GLI2: variants seen among roughly 807,000 people sequenced by gnomAD.
GLI2 encodes the protein GLI family zinc finger 2.
A neutral mutation model predicts 78.9 loss-of-function variants in GLI2; 22 were observed. The observed-to-expected ratio is 0.28, with a 90% confidence interval of 0.20 to 0.40. GLI2 has a LOEUF of 0.40. Ranked by LOEUF, GLI2 falls within the 10% of genes least tolerant of loss-of-function variation. The probability of loss-of-function intolerance (pLI) is 1.00; values close to 1 mark genes in which losing one functional copy is unlikely to be tolerated. For missense variants in GLI2, 2,097 were observed against 2,213.2 expected, an observed-to-expected ratio of 0.95 and a Z score of 1.05; for synonymous variants, 974 against 963.7, an observed-to-expected ratio of 1.01 and a Z score of -0.20.
At chr2:120,922,722 G>A (rs902143382) in intron 2 of GLI2, among the ~76,000 whole-genome samples, 7 of 152,150 alleles carry the variant, frequency 4.6e-5, no homozygotes, top group Non-Finnish European at 1.0e-4. Context: ...ATCACCGCCA[G>A]GACAGGAGGA....
At position 120,737,013 on chromosome 2, in the gene GLI2, C is replaced by G. The variant is rs567390235; in HGVS notation, c.-31+728C>G. 3.9e-5 allele frequency among the ~76,000 whole-genome samples: 6 copies of G among 152,222 alleles called. No homozygotes were observed. Among genetic ancestry groups the G allele is most frequent in the South Asian group, 2.1e-4 (1 of 4,824 alleles). On this transcript the variant is annotated intron_variant, in intron 1 of 13. Transcript: ENST00000361492. The surrounding 1 kb of genome is among the most constrained non-coding windows in gnomAD (Gnocchi z 4.3). ...CCACCTCACTTTCATCCCTGCCCCCCTACTCATCGTCTCTCCCCACCCCCG... is the reference window on the plus strand; with the variant it reads ...CCACCTCACTTTCATCCCTGCCCCCGTACTCATCGTCTCTCCCCACCCCCG...
intron 3 of GLI2, among the ~76,000 whole-genome samples, chr2:120,947,012 G>A (rs1558904979): frequency 6.6e-6 from 1 of 152,218 alleles, no homozygotes; most frequent in South Asian, 2.1e-4. Context: ...GGGTTGGGGG[G>A]TTCCAGCTCC....
chr2:120,976,080 C>G (rs1287401798), intron 9 of GLI2, among the ~76,000 whole-genome samples: 2 of 152,198 alleles, frequency 1.3e-5, no homozygotes, highest in Non-Finnish European at 2.9e-5. Context: ...AAAGCCACCT[C>G]CCAACTCCCC....
chr2:120,951,454 G>A lies in GLI2; in HGVS notation c.457+9G>A, dbSNP rs1439583858. On this transcript the variant is annotated intron_variant, in intron 4 of 13. Transcript: ENST00000361492. ...CCTCAGCCCCGCTGATGGTGAGTAG[G>A]GTGTGGGGATGGGGAGGGGCAGCTA... is the stretch of plus-strand genomic sequence containing the variant. 1.6e-5 allele frequency: 26 copies of A among 1,593,584 alleles called. No homozygotes were observed. Among genetic ancestry groups the A allele is most frequent in the Admixed American group, 5.1e-5 (3 of 59,320 alleles).
intron 2 of GLI2, among the ~76,000 whole-genome samples, chr2:120,896,699 A>T (rs1281024814): frequency 7.9e-4 from 22 of 28,012 alleles, no homozygotes; most frequent in African/African-American, 6.8e-3. Context: ...ACACCCATAC[A>T]CACACACACA....
intron 2 of GLI2, among the ~76,000 whole-genome samples, chr2:120,848,877 G>A (rs1489203371): frequency 6.6e-6 from 1 of 152,202 alleles, no homozygotes; most frequent in Non-Finnish European, 1.5e-5. Flanking sequence ...TCCTGCCCCT[G>A]TGTGACAAGG....
intron 3 of GLI2, among the ~76,000 whole-genome samples, chr2:120,946,984 G>A (rs1258321161): frequency 6.6e-6 from 1 of 152,208 alleles, no homozygotes; most frequent in Non-Finnish European, 1.5e-5. Context: ...GATCCTTAGC[G>A]GTCATCACAA....
At chr2:120,896,542 G>A (rs561799106) in intron 2 of GLI2, among the ~76,000 whole-genome samples, 3 of 152,124 alleles carry the variant, frequency 2.0e-5, no homozygotes, top group South Asian at 4.1e-4. Context: ...GGTGGTAACA[G>A]CAGTAAAAAT....
intron 2 of GLI2, among the ~76,000 whole-genome samples, chr2:120,914,065 C>T (rs1678969197): frequency 6.6e-6 from 1 of 152,360 alleles, no homozygotes; most frequent in Admixed American, 6.5e-5. Context: ...GACACCTTCA[C>T]GACCCGTGGG....
intron 2 of GLI2, among the ~76,000 whole-genome samples, chr2:120,914,932 G>A (rs1308768956): frequency 6.6e-6 from 1 of 152,234 alleles, no homozygotes; most frequent in African/African-American, 2.4e-5. Context: ...CGCCTCTTGT[G>A]GCCTGTCTCC....
rs2104673731 is a variant in GLI2 at position 120,783,834 on chromosome 2, G to C, written c.-30-13457G>C. Among the ~76,000 whole-genome samples, 5 of 152,298 alleles carry C rather than the reference G, an allele frequency of 3.3e-5. 2 individuals are homozygous for C. Among genetic ancestry groups the C allele is most frequent in the Admixed American group, 3.3e-4 (5 of 15,298 alleles). ...GTCTGATCTTATTCCAGGGCAGTTT[G>C]CATTTCAATCGGTTGCTCTTGAAAA... On this transcript the variant is annotated intron_variant, in intron 1 of 13. Transcript: ENST00000361492.
At chr2:120,943,145 C>A (rs1056202410) in intron 3 of GLI2, among the ~76,000 whole-genome samples, 2 of 152,182 alleles carry the variant, frequency 1.3e-5, no homozygotes, top group African/African-American at 4.8e-5. Context: ...CTGAGATGGA[C>A]GTGCTCAGGT....
At chr2:120,890,557 A>G (rs13387893) in intron 2 of GLI2, among the ~76,000 whole-genome samples, 1 of 152,192 alleles carries the variant, frequency 6.6e-6, no homozygotes, top group Non-Finnish European at 1.5e-5. Context: ...TTGTATCACT[A>G]TCAGTATCTT....
chr2:120,783,551 G>T (rs1257542950), intron 1 of GLI2, among the ~76,000 whole-genome samples: 1 of 152,070 alleles, frequency 6.6e-6, no homozygotes. Flanking sequence ...CGAAAGGAGA[G>T]GGGGAAGAGC....
At chr2:120,768,267 G>A (rs1203408788) in intron 1 of GLI2, among the ~76,000 whole-genome samples, 8 of 152,072 alleles carry the variant, frequency 5.3e-5, no homozygotes, top group African/African-American at 1.7e-4. Context: ...TATGCGGTGG[G>A]CGGACTTATC....
chr2:120,927,456 G>A lies in GLI2; in HGVS notation c.244G>A (p.Gly82Ser), dbSNP rs531807595. The stretch of plus-strand genomic sequence containing the variant: ...CCATTACGAGCCTCATTCTGTCCAC[G>A]GTGTGCACGGGTAAGTCCTGCCCTC... ...RYHYEPHSVHGVHGPPALSGS... is the reference protein window; with the variant it reads ...RYHYEPHSVHSVHGPPALSGS... The change falls in exon 3 of 14, where the codon GGT becomes AGT. Residue 82 changes from glycine to serine, a missense_variant. This residue lies in a region of GLI2 where 578 missense variants were observed against 612.0 expected (regional missense o/e 0.94). Coordinates refer to ENST00000361492, the MANE Select transcript of GLI2 (RefSeq NM_001374353.1). 35 of 1,609,154 alleles carry A rather than the reference G, an allele frequency of 2.2e-5. No individual in the cohort carries two copies. In the South Asian group the frequency reaches 2.3e-4, roughly 11 times the overall value.
chr2:120,985,646 G>A (rs1167465315), intron 12 of GLI2, among the ~76,000 whole-genome samples: 1 of 152,192 alleles, frequency 6.6e-6, no homozygotes, highest in Non-Finnish European at 1.5e-5. Flanking sequence ...TGCATCTGGT[G>A]CAAGCCTCAT....
intron 13 of GLI2, among the ~76,000 whole-genome samples, chr2:120,987,012 C>T (rs747523125): frequency 5.9e-5 from 9 of 152,222 alleles, no homozygotes; most frequent in Non-Finnish European, 5.9e-5. Flanking sequence ...GGCTGTGCCA[C>T]CAGATTCACA....
intron 1 of GLI2, among the ~76,000 whole-genome samples, chr2:120,787,583 A>G (rs1684033114): frequency 6.6e-6 from 1 of 152,056 alleles, no homozygotes; most frequent in African/African-American, 2.4e-5. Context: ...GGGCAGTGTG[A>G]TTTTCCCTCC....
Sources: gnomAD v4.1 joint callset for allele counts (sites outside exome capture counted in the v4.1 genomes callset) on GRCh38, gnomAD v4.1.1 for gene constraint, gnomAD v4.1.1 regional missense constraint, Gnocchi (gnomAD v3.1) non-coding constraint, MANE v1.5 for transcripts, NCBI Gene and HGNC (gene_info 2026-07-23, HGNC 2026-07-21) for gene names.